Variants in ANKS1B observed in about 807,000 individuals in gnomAD.
ANKS1B encodes ankyrin repeat and sterile alpha motif domain containing 1B, also known as ankyrin repeat and sterile alpha motif domain-containing protein 1B.
ANKS1B carries 36 observed loss-of-function variants against 148.3 expected under a neutral mutation model. That is an observed-to-expected ratio of 0.24 (90% confidence interval 0.19 to 0.32). The LOEUF (loss-of-function observed/expected upper bound fraction) is 0.32, where lower values mean the gene tolerates loss of function less well. ANKS1B is among the 10% of genes least tolerant of loss of function. The probability of loss-of-function intolerance (pLI) is 1.00; values close to 1 mark genes in which losing one functional copy is unlikely to be tolerated. For synonymous variants in ANKS1B, 542 were observed against 560.8 expected (o/e 0.97, Z 0.47); for missense variants, 1,157 against 1,542.6 (o/e 0.75, Z 4.19).
intron 14 of ANKS1B, among the ~76,000 whole-genome samples, chr12:99,220,219 T>G (rs1393161093): frequency 6.6e-6 from 1 of 151,998 alleles, no homozygotes; most frequent in African/African-American, 2.4e-5. Context: ...AGGCTGGTCT[T>G]GAACTCCTGA....
intron 15 of ANKS1B, among the ~76,000 whole-genome samples, chr12:99,142,441 A>T (rs909339128): frequency 6.6e-6 from 1 of 152,084 alleles, no homozygotes; most frequent in Non-Finnish European, 1.5e-5. Context: ...TATGAAGGGA[A>T]GAAGAGTAAG....
intron 12 of ANKS1B, among the ~76,000 whole-genome samples, chr12:99,333,708 T>C (rs1296263343): frequency 2.6e-5 from 4 of 152,052 alleles, no homozygotes; most frequent in Non-Finnish European, 4.4e-5. Context: ...GGAAGGCTTC[T>C]TGGTTATTCT....
chr12:99,638,266 T>G (rs1356257415), intron 9 of ANKS1B, among the ~76,000 whole-genome samples: 1 of 152,120 alleles, frequency 6.6e-6, no homozygotes, highest in East Asian at 1.9e-4. Context: ...TGGGAAAGTC[T>G]GCAACTTCCT....
chr12:99,514,719 C>T (rs1430514768), intron 9 of ANKS1B, among the ~76,000 whole-genome samples: 1 of 152,078 alleles, frequency 6.6e-6, no homozygotes, highest in Non-Finnish European at 1.5e-5. Flanking sequence ...ATTGCCAGAA[C>T]TAAGGGAAAG....
chr12:98,911,556 T>C (rs1468626660), intron 17 of ANKS1B, among the ~76,000 whole-genome samples: 2 of 152,208 alleles, frequency 1.3e-5, no homozygotes, highest in South Asian at 2.1e-4. Flanking sequence ...TTGGGGATTG[T>C]GGTCTTTTAA....
At chr12:99,830,639 CA>C (rs71436967) in intron 1 of ANKS1B, among the ~76,000 whole-genome samples, 2,306 of 126,644 alleles carry the variant, frequency 0.018, 55 homozygotes, top group African/African-American at 0.055. Flanking sequence ...CTGAAAGAAG[CA>C]AAAAAAAAAA....
chr12:99,792,934 T>C (rs1257352667), intron 4 of ANKS1B, among the ~76,000 whole-genome samples: 1 of 151,994 alleles, frequency 6.6e-6, no homozygotes, highest in Non-Finnish European at 1.5e-5. Context: ...TACAATCTTA[T>C]ATTTGGAAAA....
intron 12 of ANKS1B, among the ~76,000 whole-genome samples, chr12:99,263,799 A>G (rs2076166697): frequency 1.3e-5 from 2 of 152,148 alleles, no homozygotes; most frequent in Non-Finnish European, 2.9e-5. Context: ...CCCTTCTGTT[A>G]TGGTGATTAA....
chr12:99,032,491 GC>G (rs2099952851), intron 17 of ANKS1B, among the ~76,000 whole-genome samples: 1 of 152,038 alleles, frequency 6.6e-6, no homozygotes, highest in Non-Finnish European at 1.5e-5. Flanking sequence ...TCTTTACATG[GC>G]CTTCTCTGCT....
At chr12:99,401,143 A>G (rs1181722495) in intron 11 of ANKS1B, among the ~76,000 whole-genome samples, 1 of 146,402 alleles carries the variant, frequency 6.8e-6, no homozygotes, top group Non-Finnish European at 1.5e-5. Flanking sequence ...ACATCAACTC[A>G]GTAATAGAAT....
chr12:99,506,347 G>A (rs1385667374), intron 9 of ANKS1B, among the ~76,000 whole-genome samples: 1 of 151,984 alleles, frequency 6.6e-6, no homozygotes. Context: ...AGAATTCAAG[G>A]TCAGGGTAAT....
intron 14 of ANKS1B, among the ~76,000 whole-genome samples, chr12:99,226,029 G>A (rs552919301): frequency 6.6e-6 from 1 of 152,088 alleles, no homozygotes; most frequent in South Asian, 2.1e-4. Flanking sequence ...CCGTTTCAAT[G>A]GATTTTTATT....
intron 9 of ANKS1B, among the ~76,000 whole-genome samples, chr12:99,647,451 G>A (rs1169102087): frequency 6.6e-6 from 1 of 152,184 alleles, no homozygotes; most frequent in Non-Finnish European, 1.5e-5. Flanking sequence ...TCTACAACTA[G>A]AGGAGCTGGA....
chr12:99,338,007 G>T (rs1350791100), intron 12 of ANKS1B, among the ~76,000 whole-genome samples: 1 of 152,162 alleles, frequency 6.6e-6, no homozygotes, highest in African/African-American at 2.4e-5. Context: ...TCTTGCCCAA[G>T]GCCTGTGGTG....
At chr12:99,576,179 C>T (rs915301224) in intron 9 of ANKS1B, among the ~76,000 whole-genome samples, 6 of 151,742 alleles carry the variant, frequency 4.0e-5, no homozygotes, top group African/African-American at 1.5e-4. Flanking sequence ...AGAAAGGGTT[C>T]AATTCAACAA....
intron 8 of ANKS1B, among the ~76,000 whole-genome samples, chr12:99,677,000 C>T (rs902393283): frequency 6.6e-6 from 1 of 152,194 alleles, no homozygotes; most frequent in Non-Finnish European, 1.5e-5. Flanking sequence ...TTTATTCTTA[C>T]TGACATATAT....
chr12:98,978,253 T>C (rs1052853814), intron 17 of ANKS1B, among the ~76,000 whole-genome samples: 1 of 152,196 alleles, frequency 6.6e-6, no homozygotes, highest in Non-Finnish European at 1.5e-5. Flanking sequence ...ATGTCTGCCT[T>C]CTTTTGGATT....
chr12:99,177,616 G>A (rs2078565578), intron 14 of ANKS1B, among the ~76,000 whole-genome samples: 1 of 152,222 alleles, frequency 6.6e-6, no homozygotes, highest in South Asian at 2.1e-4. Flanking sequence ...TATGTCTGCT[G>A]CATTAGCACA....
intron 9 of ANKS1B, among the ~76,000 whole-genome samples, chr12:99,639,651 T>G (rs1414502871): frequency 6.6e-6 from 1 of 152,092 alleles, no homozygotes; most frequent in Admixed American, 6.6e-5. Flanking sequence ...TCTCACGAGA[T>G]CTGATGGTTT....
Sources: gnomAD v4.1 joint callset for allele counts (sites outside exome capture counted in the v4.1 genomes callset) on GRCh38, gnomAD v4.1.1 for gene constraint, MANE v1.5 for transcripts, NCBI Gene and HGNC (gene_info 2026-07-23, HGNC 2026-07-21) for gene names.